The following DCAF6 variants were observed in gnomAD, a reference collection of about 807,000 sequenced individuals.
The protein encoded by DCAF6 is DDB1 and CUL4 associated factor 6.
Under a neutral mutation model 125.1 loss-of-function variants are expected in DCAF6, and 54 were observed. The ratio of observed to expected loss-of-function variants is 0.43; its 90% CI spans 0.35 to 0.54. The LOEUF is 0.54. DCAF6 is among the 20% of genes least tolerant of loss of function. DCAF6 has a pLI of 0.01. For missense variants in DCAF6, 934 were observed against 1,161.7 expected (o/e 0.80, Z 2.85); for synonymous variants, 371 against 390.4 (o/e 0.95, Z 0.58).
intron 2 of DCAF6, among the ~76,000 whole-genome samples, chr1:167,959,423 A>G (rs897771535): frequency 6.6e-6 from 1 of 152,202 alleles, no homozygotes; most frequent in African/African-American, 2.4e-5. Flanking sequence ...TCCTTTGGAT[A>G]AATACCAAGG....
chr1:168,040,384 T>C (rs1688368895), intron 13 of DCAF6, among the ~76,000 whole-genome samples: 1 of 151,912 alleles, frequency 6.6e-6, no homozygotes, highest in East Asian at 1.9e-4. Context: ...GTGTTGAGCA[T>C]ATGCCATCAG....
chr1:168,008,005 C>G (rs993884526), intron 10 of DCAF6, among the ~76,000 whole-genome samples: 22 of 113,184 alleles, frequency 1.9e-4, no homozygotes, highest in East Asian at 1.8e-3. Flanking sequence ...CAGTCTCACT[C>G]TGTCACCCAG....
In DCAF6 at chr1:168,044,976, T is replaced by C. The variant is rs752697699; in HGVS notation, c.2007T>C (p.Ser669=). Residue 669 remains serine, a synonymous_variant, in exon 16 of 22, where the codon TCT becomes TCC. Transcript: ENST00000367840. The part of the protein sequence containing the change: ...GERNDLNLDR[S]CGVPEESASS... ...GAAATGACCTCAATCTTGATCGCTC[T>C]TGTGGGGTTCCAGAAGAATCTGCTT... The C allele has an allele frequency of 2.5e-6, 4 of 1,614,140 alleles. No homozygotes were observed. Among genetic ancestry groups the C allele is most frequent in the Non-Finnish European group, 3.4e-6 (4 of 1,179,976 alleles).
rs138830172 is a variant in DCAF6, at chr1:167,967,259, G to A, written c.252+538G>A. On this transcript the variant is annotated intron_variant, in intron 3 of 21. Coordinates refer to ENST00000367840, the MANE Select transcript of DCAF6 (RefSeq NM_001198956.2). ...CGGTGTGAATAGTTCTTGAGGTACT[G>A]AGAAAATTAAAATGGTTTCAATGAA... 2.1e-3 allele frequency among the ~76,000 whole-genome samples: 316 copies of A among 152,198 alleles called. 2 individuals carry two copies. The highest frequency in any genetic ancestry group is 7.1e-3 in the African/African-American group (295 of 41,540).
the DCAF6 span, chr1:167,883,474 A>G: frequency 1.9e-6 from 3 of 1,614,116 alleles, no homozygotes; most frequent in South Asian, 2.2e-5. Flanking sequence ...TTGGCCTTGG[A>G]AGATCTTCAG....
At position 168,039,594 on chromosome 1, in the gene DCAF6, T is replaced by A. The variant is rs139583115; in HGVS notation, c.1727+1106T>A. Among the ~76,000 whole-genome samples the A allele has an allele frequency of 3.3e-3, 489 of 147,952 alleles. 7 individuals are homozygous for A. Among genetic ancestry groups the A allele is most frequent in the East Asian group, 0.018 (94 of 5,122 alleles). On this transcript the variant is annotated intron_variant, in intron 13 of 21. Coordinates refer to ENST00000367840, the MANE Select transcript of DCAF6 (RefSeq NM_001198956.2). ...TGATATAGTATTTCTTAATATATAA[T>A]ATAGTTGTATAATATTTGTTAATAT... is the stretch of plus-strand genomic sequence containing the variant.
rs966963176 is a variant in DCAF6 at position 167,995,158 on chromosome 1, A to T, written c.903+1718A>T. ...TCCCCTTGAAATACATGGGTAAGTA[A>T]AGTTATAGTCAAACTGTGATTGTTA... On this transcript the variant is annotated intron_variant, in intron 7 of 21. Coordinates refer to ENST00000367840, the MANE Select transcript of DCAF6 (RefSeq NM_001198956.2). Among the ~76,000 whole-genome samples, 1,511 of 152,296 alleles carry T rather than the reference A, an allele frequency of 9.9e-3. 22 individuals carry two copies. Among genetic ancestry groups the T allele is most frequent in the African/African-American group, 0.035 (1,451 of 41,552 alleles).
At chr1:167,886,126 G>T in the DCAF6 span, among the ~76,000 whole-genome samples, 2 of 152,006 alleles carry the variant, frequency 1.3e-5, no homozygotes, top group East Asian at 3.9e-4. Context: ...TACTGCTCAA[G>T]GTAATTTATA....
chr1:167,943,190 T>G lies in DCAF6; in HGVS notation c.97+6182T>G, dbSNP rs552986390. Among the ~76,000 whole-genome samples, 5 of 152,322 alleles carry G rather than the reference T, an allele frequency of 3.3e-5. No homozygotes were observed. The East Asian group carries it at 7.7e-4, about 23-fold the overall frequency. ...TACCAAAGTGCTGGGATTACAGGCGTGAGCCACCGCGCCTGGCCGAAATTT... is the reference window on the plus strand; with the variant it reads ...TACCAAAGTGCTGGGATTACAGGCGGGAGCCACCGCGCCTGGCCGAAATTT... On this transcript the variant is annotated intron_variant, in intron 1 of 21. Transcript: ENST00000367840.
At chr1:167,926,056 A>G in the DCAF6 span, among the ~76,000 whole-genome samples, 1 of 152,224 alleles carries the variant, frequency 6.6e-6, no homozygotes, top group Non-Finnish European at 1.5e-5. Context: ...CAAACACTAG[A>G]AAGAAGATCA....
chr1:168,009,474 C>CTCCCTCCCTTCCTTCACTTCT (rs1683962418), intron 10 of DCAF6, among the ~76,000 whole-genome samples: 1 of 148,542 alleles, frequency 6.7e-6, no homozygotes, highest in African/African-American at 2.5e-5. Context: ...TCCTTCCTCC[C>CTCCCTCCCTTCCTTCACTTCT]TCCCTCCCTT....
intron 7 of DCAF6, among the ~76,000 whole-genome samples, chr1:167,996,556 C>T (rs1285175322): frequency 3.9e-5 from 6 of 152,190 alleles, no homozygotes; most frequent in Non-Finnish European, 8.8e-5. Context: ...AGCTATACAG[C>T]ATTCAAAGTG....
intron 12 of DCAF6, among the ~76,000 whole-genome samples, chr1:168,035,812 C>T (rs1334605911): frequency 6.6e-6 from 1 of 152,044 alleles, no homozygotes; most frequent in East Asian, 1.9e-4. Flanking sequence ...CCTGTAATCC[C>T]AGCACTTTGG....
In DCAF6 at chr1:168,063,702, C is replaced by T. The variant is rs1451043127; in HGVS notation, c.2382C>T (p.Asn794=). ...RKEMEELDTL[N]IRRPLVKMVY... ...AAATGGAAGAATTGGATACTTTGAACATTAGAAGGCCGCTAGTAAAAATGG... is the reference window on the plus strand; with the variant it reads ...AAATGGAAGAATTGGATACTTTGAATATTAGAAGGCCGCTAGTAAAAATGG... The change falls in exon 18 of 22, where the codon AAC becomes AAT. Residue 794 remains asparagine, a synonymous_variant. Transcript: ENST00000367840. 2.5e-6 allele frequency: 4 copies of T among 1,604,738 alleles called. No individual in the cohort carries two copies. The highest frequency in any genetic ancestry group is 3.4e-6 in the Non-Finnish European group (4 of 1,176,452).
intron 16 of DCAF6, 130 bp from the exon 17 acceptor site, chr1:168,050,762 C>A: frequency 2.2e-6 from 1 of 447,170 alleles, no homozygotes; most frequent in South Asian, 1.0e-4. Context: ...TGCCCGAAGT[C>A]ACAAAGGGAA....
At chr1:167,920,029 A>T in the DCAF6 span, 1 of 1,613,854 alleles carries the variant, frequency 6.2e-7, no homozygotes, top group Non-Finnish European at 8.5e-7. Context: ...CAAAGAAATT[A>T]ACAGCAAACA....
upstream of DCAF6, among the ~76,000 whole-genome samples, chr1:167,932,916 G>T (rs1670951549): frequency 2.0e-5 from 3 of 152,100 alleles, no homozygotes. Flanking sequence ...TATGCAACTG[G>T]CTAGGGTGGA....
intron 16 of DCAF6, among the ~76,000 whole-genome samples, chr1:168,049,425 GTTGTTGTTTT>G (rs1453082408): frequency 7.0e-5 from 6 of 85,800 alleles, no homozygotes; most frequent in African/African-American, 2.9e-4. Context: ...TGTTGTTGTT[GTTGTTGTTTT>G]TTTTTTTTTT....
At chr1:167,925,434 CATATACACATATATATATATATAT>C in the DCAF6 span, among the ~76,000 whole-genome samples, 1 of 72,746 alleles carries the variant, frequency 1.4e-5, no homozygotes, top group Non-Finnish European at 2.7e-5. Context: ...TACAGATATA[CATATACACATATATATATATATAT>C]ATATATATAT....
Sources: allele counts gnomAD v4.1 joint callset (sites outside exome capture counted in the v4.1 genomes callset), GRCh38; gene constraint gnomAD v4.1.1; transcripts MANE v1.5; gene names NCBI Gene and HGNC (gene_info 2026-07-23, HGNC 2026-07-21).